Variants in GPR158 observed in about 807,000 individuals in gnomAD.
The protein encoded by GPR158 is G protein-coupled receptor 158, also known as metabotropic glycine receptor.
GPR158 carries 30 observed loss-of-function variants against 78.2 expected under a neutral mutation model. The ratio of observed to expected loss-of-function variants is 0.38; its 90% CI spans 0.29 to 0.52. The LOEUF is 0.52. GPR158 is among the 20% of genes least tolerant of loss of function. The pLI is 0.83. For missense variants in GPR158, 1,463 were observed against 1,523.5 expected, an observed-to-expected ratio of 0.96 and a Z score of 0.66; for synonymous variants, 581 against 591.1, an observed-to-expected ratio of 0.98 and a Z score of 0.25.
intron 2 of GPR158, among the ~76,000 whole-genome samples, chr10:25,235,345 C>T (rs1293197276): frequency 6.6e-6 from 1 of 151,016 alleles, no homozygotes; most frequent in Non-Finnish European, 1.5e-5. Context: ...TTCCATGATG[C>T]TTTGATATGC....
At chr10:25,484,053 G>A (rs993101551) in intron 5 of GPR158, among the ~76,000 whole-genome samples, 1 of 152,068 alleles carries the variant, frequency 6.6e-6, no homozygotes, top group African/African-American at 2.4e-5. Context: ...AGAAAAGACC[G>A]ATAATAAAGA....
At chr10:25,246,175 A>G (rs370649267) in intron 2 of GPR158, among the ~76,000 whole-genome samples, 1 of 152,208 alleles carries the variant, frequency 6.6e-6, no homozygotes, top group African/African-American at 2.4e-5. Context: ...ATTTACAGTG[A>G]TTTTTAAAAT....
intron 2 of GPR158, among the ~76,000 whole-genome samples, chr10:25,242,081 A>C (rs1163335024): frequency 6.6e-6 from 1 of 152,252 alleles, no homozygotes; most frequent in Non-Finnish European, 1.5e-5. Context: ...TACCAATTCA[A>C]AGGACCTCTC....
intron 2 of GPR158, among the ~76,000 whole-genome samples, chr10:25,395,079 T>G (rs1482690513): frequency 6.6e-6 from 1 of 152,162 alleles, no homozygotes; most frequent in African/African-American, 2.4e-5. Context: ...TTTTGTAGTT[T>G]AGTAGAAGTT....
At chr10:25,424,175 G>A (rs1438331859) in intron 4 of GPR158, among the ~76,000 whole-genome samples, 59 of 152,248 alleles carry the variant, frequency 3.9e-4, no homozygotes, top group Non-Finnish European at 6.3e-4. Context: ...CTGCATAAAT[G>A]TCTTCTTTTG....
chr10:25,538,477 A>G (rs535021706), intron 5 of GPR158, among the ~76,000 whole-genome samples: 1 of 152,234 alleles, frequency 6.6e-6, no homozygotes, highest in Non-Finnish European at 1.5e-5. Context: ...ATATACACAC[A>G]AATGTTTTGT....
In GPR158 at chr10:25,249,034, C is replaced by A. The variant is rs1588757084; in HGVS notation, c.1008+27877C>A. 2.0e-5 allele frequency among the ~76,000 whole-genome samples: 3 copies of A among 151,400 alleles called. No homozygotes were observed. In the South Asian group the frequency reaches 6.3e-4, roughly 32 times the overall value. On this transcript the variant is annotated intron_variant, in intron 2 of 10. Transcript: ENST00000376351. Reference sequence around the variant, plus strand: ...TCTCCTTGAAGAGGTCCTTCACATCCCTTGTAAGTTGGATTCCTTGGTATT... The same window carrying A: ...TCTCCTTGAAGAGGTCCTTCACATCACTTGTAAGTTGGATTCCTTGGTATT...
chr10:25,462,690 G>T (rs1159955722), intron 4 of GPR158, among the ~76,000 whole-genome samples: 2 of 152,206 alleles, frequency 1.3e-5, no homozygotes. Context: ...CAAGACTTCA[G>T]TGAAGAAACT....
chr10:25,373,259 G>C (rs980349098), intron 2 of GPR158, among the ~76,000 whole-genome samples: 1 of 151,794 alleles, frequency 6.6e-6, no homozygotes, highest in African/African-American at 2.4e-5. Context: ...ACACAAATTG[G>C]GAAGCAACAG....
At chr10:25,391,054 C>T (rs909588295) in intron 2 of GPR158, among the ~76,000 whole-genome samples, 8 of 152,232 alleles carry the variant, frequency 5.3e-5, no homozygotes, top group Admixed American at 1.3e-4. Flanking sequence ...GTGGCTTCCA[C>T]GTGTTGTTGG....
intron 5 of GPR158, among the ~76,000 whole-genome samples, chr10:25,478,863 C>T (rs1588881161): frequency 7.1e-6 from 1 of 141,028 alleles, no homozygotes; most frequent in African/African-American, 2.6e-5. Context: ...TTCTCATTGT[C>T]CAGTTCCCAC....
intron 5 of GPR158, among the ~76,000 whole-genome samples, chr10:25,536,363 T>G (rs1381851702): frequency 6.6e-6 from 1 of 152,180 alleles, no homozygotes; most frequent in African/African-American, 2.4e-5. Context: ...TTTCCAAGTG[T>G]GTGTATTTTA....
At chr10:25,373,425 T>A (rs1006652065) in intron 2 of GPR158, among the ~76,000 whole-genome samples, 1 of 151,964 alleles carries the variant, frequency 6.6e-6, no homozygotes, top group African/African-American at 2.4e-5. Context: ...ATTTCAAATA[T>A]GTGTCTGTAA....
chr10:25,479,923 A>G (rs1202814546), intron 5 of GPR158, among the ~76,000 whole-genome samples: 1 of 152,004 alleles, frequency 6.6e-6, no homozygotes, highest in Middle Eastern at 3.2e-3. Flanking sequence ...GGTTTCCTCA[A>G]GTCTTTATTC....
intron 2 of GPR158, among the ~76,000 whole-genome samples, chr10:25,254,413 C>G (rs1025650742): frequency 6.6e-6 from 1 of 152,056 alleles, no homozygotes; most frequent in African/African-American, 2.4e-5. Context: ...AAAAACATAA[C>G]TGCTTTAGTT....
chr10:25,332,754 T>G (rs147709030), intron 2 of GPR158, among the ~76,000 whole-genome samples: 2 of 152,312 alleles, frequency 1.3e-5, no homozygotes, highest in East Asian at 3.9e-4. Flanking sequence ...CAATTTTAAT[T>G]CCTAGTATTT....
At chr10:25,224,729 T>C (rs369543236) in intron 2 of GPR158, among the ~76,000 whole-genome samples, 1 of 152,112 alleles carries the variant, frequency 6.6e-6, no homozygotes, top group Non-Finnish European at 1.5e-5. Context: ...ATTGAAGTAA[T>C]AAATTGTCAA....
At chr10:25,472,763 A>T (rs546590096) in intron 5 of GPR158, among the ~76,000 whole-genome samples, 15 of 150,966 alleles carry the variant, frequency 9.9e-5, no homozygotes, top group Admixed American at 9.3e-4. Context: ...GCTGTTTGTT[A>T]TTGGTGTACA....
intron 2 of GPR158, among the ~76,000 whole-genome samples, chr10:25,377,379 T>C (rs10764538): frequency 0.21 from 31,619 of 151,976 alleles, 3,598 homozygotes; most frequent in Non-Finnish European, 0.27. Context: ...AAAACAGCTC[T>C]ATTAAAATGT....
Sources: allele counts gnomAD v4.1 joint callset (sites outside exome capture counted in the v4.1 genomes callset), GRCh38; gene constraint gnomAD v4.1.1; transcripts MANE v1.5; gene names NCBI Gene and HGNC (gene_info 2026-07-23, HGNC 2026-07-21).